Variants in TAFA2 observed in about 807,000 individuals in gnomAD.
TAFA2 encodes chemokine-like protein TAFA-2.
A neutral mutation model predicts 18.8 loss-of-function variants in TAFA2; 7 were observed. That is an observed-to-expected ratio of 0.37 (90% CI 0.21 to 0.70). TAFA2 has a LOEUF of 0.70. TAFA2 is among the 30% of genes least tolerant of loss of function. TAFA2 has a pLI of 0.53. For synonymous variants in TAFA2, 60 were observed against 54.2 expected, an observed-to-expected ratio of 1.11 and a Z score of -0.47; for missense variants, 122 against 158.1, an observed-to-expected ratio of 0.77 and a Z score of 1.23.
At chr12:61,994,694 T>G (rs1199749441) in intron 1 of TAFA2, among the ~76,000 whole-genome samples, 1 of 152,128 alleles carries the variant, frequency 6.6e-6, no homozygotes, top group Admixed American at 6.5e-5. Context: ...CCCTTCCTCA[T>G]TTTTTTATAT....
chr12:61,947,860 CAGTA>C (rs1878334328), intron 1 of TAFA2, among the ~76,000 whole-genome samples: 1 of 152,082 alleles, frequency 6.6e-6, no homozygotes, highest in Non-Finnish European at 1.5e-5. Context: ...AATCCTGAAA[CAGTA>C]AGCCTCAAAA....
At chr12:62,146,070 A>T (rs2136913364) in intron 1 of TAFA2, among the ~76,000 whole-genome samples, 1 of 152,202 alleles carries the variant, frequency 6.6e-6, no homozygotes, top group East Asian at 1.9e-4. Context: ...CCATTTCCCC[A>T]CTGGCATAAG....
intron 1 of TAFA2, among the ~76,000 whole-genome samples, chr12:62,181,234 C>T (rs907083698): frequency 5.9e-5 from 9 of 152,116 alleles, no homozygotes; most frequent in Non-Finnish European, 1.0e-4. Flanking sequence ...ATTCTCCCTT[C>T]GGCATTGAAG....
chr12:62,196,063 C>T (rs1481052736), upstream of TAFA2, among the ~76,000 whole-genome samples: 1 of 152,214 alleles, frequency 6.6e-6, no homozygotes, highest in Non-Finnish European at 1.5e-5. Context: ...CTTACTGCCT[C>T]ACCTTTTACT....
At chr12:62,153,390 T>C (rs543850560) in intron 1 of TAFA2, among the ~76,000 whole-genome samples, 2 of 152,264 alleles carry the variant, frequency 1.3e-5, no homozygotes, top group Admixed American at 6.5e-5. Flanking sequence ...TGGTCAGCTG[T>C]GGTGGCTCAC....
intron 2 of TAFA2, among the ~76,000 whole-genome samples, chr12:61,818,999 C>A (rs576292378): frequency 6.6e-6 from 1 of 152,124 alleles, no homozygotes; most frequent in Non-Finnish European, 1.5e-5. Context: ...TACCTCTAGA[C>A]CCGATCATGA....
chr12:62,042,607 A>C (rs1592300566), intron 1 of TAFA2, among the ~76,000 whole-genome samples: 1 of 151,990 alleles, frequency 6.6e-6, no homozygotes. Context: ...CTACATATCT[A>C]CCTAGAATCC....
At chr12:62,128,851 TC>T (rs1389544395) in intron 1 of TAFA2, among the ~76,000 whole-genome samples, 1 of 152,100 alleles carries the variant, frequency 6.6e-6, no homozygotes, top group East Asian at 1.9e-4. Context: ...ACAGGCAGTT[TC>T]TATTGTGTAA....
intron 1 of TAFA2, among the ~76,000 whole-genome samples, chr12:62,060,453 A>C (rs1164949205): frequency 6.6e-6 from 1 of 152,236 alleles, no homozygotes; most frequent in Non-Finnish European, 1.5e-5. Context: ...CTGTGTTGCC[A>C]GTCTTATAAA....
At chr12:62,151,203 G>A (rs989062027) in intron 1 of TAFA2, among the ~76,000 whole-genome samples, 4 of 152,112 alleles carry the variant, frequency 2.6e-5, no homozygotes, top group African/African-American at 9.7e-5. Flanking sequence ...AACAACTGGA[G>A]CAAACCCAGA....
intron 1 of TAFA2, among the ~76,000 whole-genome samples, chr12:62,226,950 C>A (rs985297151): frequency 1.3e-5 from 2 of 152,182 alleles, no homozygotes; most frequent in African/African-American, 4.8e-5. Context: ...GCCTTGCTCT[C>A]ATCAAGGTCA....
At chr12:62,149,526 C>A (rs555658538) in intron 1 of TAFA2, among the ~76,000 whole-genome samples, 1 of 149,680 alleles carries the variant, frequency 6.7e-6, no homozygotes, top group East Asian at 1.9e-4. Flanking sequence ...AAAAAATAAA[C>A]ATTTGCTATA....
At chr12:62,220,762 A>T (rs902021644) in intron 1 of TAFA2, among the ~76,000 whole-genome samples, 1 of 152,196 alleles carries the variant, frequency 6.6e-6, no homozygotes, top group Non-Finnish European at 1.5e-5. Context: ...CTAAAAAAAA[A>T]TAGTCTATTT....
chr12:61,959,200 A>G (rs916337294), intron 1 of TAFA2, among the ~76,000 whole-genome samples: 2 of 151,984 alleles, frequency 1.3e-5, no homozygotes, highest in African/African-American at 4.8e-5. Context: ...ATTTCACCCA[A>G]TTAAAAAATT....
chr12:62,166,101 C>T (rs769570780), intron 1 of TAFA2, among the ~76,000 whole-genome samples: 24 of 151,978 alleles, frequency 1.6e-4, no homozygotes, highest in African/African-American at 3.6e-4. Context: ...AACACATCCA[C>T]GAGAGTGGTT....
At chr12:61,987,155 TAA>T (rs779426240) in intron 1 of TAFA2, among the ~76,000 whole-genome samples, 28 of 152,336 alleles carry the variant, frequency 1.8e-4, no homozygotes, top group Non-Finnish European at 3.7e-4. Context: ...TTTCTAAATT[TAA>T]AGAAAACAAG....
chr12:61,809,017 C>CT, intron 2 of TAFA2, among the ~76,000 whole-genome samples: 2 of 151,454 alleles, frequency 1.3e-5, no homozygotes, highest in African/African-American at 4.9e-5. Context: ...TAGAAATAGA[C>CT]TTTTTTTTCT....
Position 62,217,974 on chromosome 12 carries a change from T to G in TAFA2, c.-130+40789A>C, listed in dbSNP as rs879892856. Among the ~76,000 whole-genome samples the G allele has an allele frequency of 6.9e-3, 680 of 98,900 alleles. 2 individuals are homozygous for G. Among genetic ancestry groups the G allele is most frequent in the African/African-American group, 0.013 (389 of 30,042 alleles). 64.9% of individuals were successfully genotyped at this position (98,900 alleles called of 152,430 possible). On this transcript the variant is annotated intron_variant, in intron 1 of 5. Transcript: ENST00000551619. ...TATCTATTTTTATGTATGTATTTAT[T>G]TATTTATTTATTTATTTATTTATTT...
chr12:62,139,162 G>C (rs1440017255), intron 1 of TAFA2, among the ~76,000 whole-genome samples: 2 of 152,218 alleles, frequency 1.3e-5, no homozygotes, highest in African/African-American at 4.8e-5. Context: ...TAAAAGGTGT[G>C]TTAGGGGAAA....
Sources: gnomAD v4.1 joint callset for allele counts (sites outside exome capture counted in the v4.1 genomes callset) on GRCh38, gnomAD v4.1.1 for gene constraint, MANE v1.5 for transcripts, NCBI Gene and HGNC (gene_info 2026-07-23, HGNC 2026-07-21) for gene names.